The following CLSTN2 variants were observed in gnomAD, a reference collection of about 807,000 sequenced individuals.
CLSTN2 encodes the protein calsyntenin-2.
Under a neutral mutation model 101.2 loss-of-function variants are expected in CLSTN2, and 48 were observed. The ratio of observed to expected loss-of-function variants is 0.47; its 90% CI spans 0.38 to 0.60. The LOEUF is 0.60. CLSTN2 is among the 20% of genes least tolerant of loss of function. CLSTN2 has a pLI of 0.00. For missense variants in CLSTN2, 1,160 were observed against 1,238.2 expected (o/e 0.94, Z 0.95); for synonymous variants, 481 against 463.6 (o/e 1.04, Z -0.48).
chr3:140,220,417 G>A (rs1477046186), intron 2 of CLSTN2, among the ~76,000 whole-genome samples: 2 of 152,216 alleles, frequency 1.3e-5, no homozygotes, highest in African/African-American at 2.4e-5. Flanking sequence ...AATTTGGCCT[G>A]TCGTCTTCCT....
intron 1 of CLSTN2, among the ~76,000 whole-genome samples, chr3:140,083,803 G>A (rs1667287732): frequency 6.6e-6 from 1 of 152,164 alleles, no homozygotes; most frequent in African/African-American, 2.4e-5. Context: ...ACATCTGTGG[G>A]CAGGACACCA....
chr3:140,369,911 T>G (rs1046334051), intron 2 of CLSTN2, among the ~76,000 whole-genome samples: 3 of 152,240 alleles, frequency 2.0e-5, no homozygotes, highest in Non-Finnish European at 2.9e-5. Context: ...CATTTTATGT[T>G]ATAGATGTGT....
intron 1 of CLSTN2, among the ~76,000 whole-genome samples, chr3:139,966,149 T>C (rs190179654): frequency 1.3e-5 from 2 of 152,192 alleles, no homozygotes; most frequent in Admixed American, 1.3e-4. Flanking sequence ...TCCAAGTAGG[T>C]CTTAGCTGTG....
At chr3:140,079,794 GAGA>G (rs2008557461) in intron 1 of CLSTN2, among the ~76,000 whole-genome samples, 1 of 150,260 alleles carries the variant, frequency 6.7e-6, no homozygotes. Flanking sequence ...TAGGGTGGAT[GAGA>G]AGGAGAAATA....
chr3:140,354,689 C>G (rs1316399755), intron 2 of CLSTN2, among the ~76,000 whole-genome samples: 1 of 152,128 alleles, frequency 6.6e-6, no homozygotes, highest in African/African-American at 2.4e-5. Flanking sequence ...CTGGAGTGAG[C>G]CTGGCTGAAT....
intron 2 of CLSTN2, among the ~76,000 whole-genome samples, chr3:140,369,234 T>C (rs150687461): frequency 6.0e-4 from 91 of 152,350 alleles, no homozygotes; most frequent in African/African-American, 2.1e-3. Context: ...AATTCATCAA[T>C]TGGATTCTAG....
chr3:140,338,827 C>A (rs1170258776), intron 2 of CLSTN2, among the ~76,000 whole-genome samples: 1 of 152,190 alleles, frequency 6.6e-6, no homozygotes, highest in African/African-American at 2.4e-5. Context: ...GGTGCAGCAC[C>A]CTCCTTGCCC....
intron 1 of CLSTN2, among the ~76,000 whole-genome samples, chr3:139,973,250 C>T (rs1366847750): frequency 6.6e-6 from 1 of 152,230 alleles, no homozygotes; most frequent in Non-Finnish European, 1.5e-5. Context: ...GAAGCCACAT[C>T]TCCATGGCTG....
In CLSTN2 at chr3:140,563,277, G is replaced by A. The variant is rs1379729090; in HGVS notation, c.2482+74G>A. The A allele has an allele frequency of 3.0e-5, 45 of 1,522,888 alleles. No homozygotes were observed. The Admixed American group carries it at 4.2e-4, about 14-fold the overall frequency. 94.3% of individuals were successfully genotyped at this position (1,522,888 alleles called of 1,614,324 possible). ...ACTCAAGATTATCTACTCAACAGACGGTTATGTTGTAGCAAACGTAGGTGC... is the reference window on the plus strand; with the variant it reads ...ACTCAAGATTATCTACTCAACAGACAGTTATGTTGTAGCAAACGTAGGTGC... On this transcript the variant is annotated intron_variant, in intron 15 of 16. Transcript: ENST00000458420.
intron 2 of CLSTN2, among the ~76,000 whole-genome samples, chr3:140,315,127 G>A (rs903592448): frequency 5.3e-5 from 8 of 152,196 alleles, no homozygotes; most frequent in African/African-American, 1.7e-4. Context: ...AGGGAAGGGA[G>A]GATGGCCTTC....
rs912954511 is a variant in CLSTN2, at chr3:140,075,828, G to T, written c.110-100123G>T. 2.0e-5 allele frequency among the ~76,000 whole-genome samples: 3 copies of T among 151,950 alleles called. 1 individual carries two copies. Among genetic ancestry groups the T allele is most frequent in the Middle Eastern group, 3.2e-3 (1 of 316 alleles). ...AAGTTGGTGTTCGTGTTGGCGGAGGGACAGGAGGGGCCGTGTCATCATGTC... is the reference window on the plus strand; with the variant it reads ...AAGTTGGTGTTCGTGTTGGCGGAGGTACAGGAGGGGCCGTGTCATCATGTC... On this transcript the variant is annotated intron_variant, in intron 1 of 16. Coordinates refer to ENST00000458420, the MANE Select transcript of CLSTN2 (RefSeq NM_022131.3).
At chr3:140,537,243 G>T (rs1935377665) in intron 9 of CLSTN2, among the ~76,000 whole-genome samples, 1 of 152,210 alleles carries the variant, frequency 6.6e-6, no homozygotes, top group African/African-American at 2.4e-5. Context: ...GCAGCTGCTT[G>T]TTGGGATCTC....
intron 12 of CLSTN2, among the ~76,000 whole-genome samples, chr3:140,559,143 T>C (rs1045938741): frequency 2.7e-5 from 4 of 147,892 alleles, no homozygotes; most frequent in Admixed American, 2.0e-4. Flanking sequence ...TACCTACACA[T>C]AGAATGATCT....
At chr3:140,038,517 C>T (rs2007702151) in intron 1 of CLSTN2, among the ~76,000 whole-genome samples, 1 of 152,048 alleles carries the variant, frequency 6.6e-6, no homozygotes, top group South Asian at 2.1e-4. Flanking sequence ...ATGATATTTT[C>T]TTTCGGTGTG....
At chr3:140,017,953 C>T (rs939162250) in intron 1 of CLSTN2, among the ~76,000 whole-genome samples, 2 of 152,156 alleles carry the variant, frequency 1.3e-5, no homozygotes, top group African/African-American at 4.8e-5. Flanking sequence ...ATAACTCTGA[C>T]AGTGGAGGAA....
intron 5 of CLSTN2, among the ~76,000 whole-genome samples, chr3:140,436,369 C>T (rs1161177161): frequency 3.9e-5 from 6 of 152,142 alleles, no homozygotes; most frequent in South Asian, 2.1e-4. Flanking sequence ...GTTTCTGAAA[C>T]GTTTGTCAAA....
chr3:140,218,659 T>G (rs1296538211), intron 2 of CLSTN2, among the ~76,000 whole-genome samples: 33 of 152,208 alleles, frequency 2.2e-4, no homozygotes. Flanking sequence ...CAAGCAAGCA[T>G]AGCTTTGGAC....
At chr3:140,389,279 C>T (rs554444058) in intron 2 of CLSTN2, among the ~76,000 whole-genome samples, 13 of 152,258 alleles carry the variant, frequency 8.5e-5, no homozygotes, top group South Asian at 2.1e-4. Context: ...TTTATTCTGA[C>T]GTGCTCCCTC....
chr3:140,492,491 T>G (rs572561867), intron 8 of CLSTN2, among the ~76,000 whole-genome samples: 1 of 152,302 alleles, frequency 6.6e-6, no homozygotes, highest in Admixed American at 6.5e-5. Context: ...TTGAACACAC[T>G]TTCTCTGAGT....
Sources: gnomAD v4.1 joint callset for allele counts (sites outside exome capture counted in the v4.1 genomes callset) on GRCh38, gnomAD v4.1.1 for gene constraint, MANE v1.5 for transcripts, NCBI Gene and HGNC (gene_info 2026-07-23, HGNC 2026-07-21) for gene names.